The following IPO13 variants were observed in gnomAD, a reference collection of about 807,000 sequenced individuals.
The protein encoded by IPO13 is importin-13.
IPO13 carries 28 observed loss-of-function variants against 115.5 expected under a neutral mutation model. The ratio of observed to expected loss-of-function variants is 0.24; its 90% CI spans 0.18 to 0.33. The LOEUF is 0.33. Among genes scored for constraint, IPO13 ranks in the 10% least tolerant of loss-of-function variants. IPO13 has a pLI of 1.00. For synonymous variants in IPO13, 414 were observed against 478.9 expected, an observed-to-expected ratio of 0.86 and a Z score of 1.77; for missense variants, 785 against 1,204.6, an observed-to-expected ratio of 0.65 and a Z score of 5.16.
Position 43,949,705 on chromosome 1 carries a change from G to A in IPO13, c.373G>A (p.Val125Met), listed in dbSNP as rs1028641022. The change falls in exon 2 of 20, where the codon GTG (valine) becomes ATG (methionine). Residue 125 changes from valine (V) to methionine (M), a missense_variant. Physicochemically the swap from Val to Met is conservative, Grantham distance 21 (BLOSUM62 1). Around this residue, in one of 3 missense-constraint regions of IPO13, gnomAD observed 325 missense variants for 449.8 expected, o/e 0.72. Transcript: ENST00000372343. ...GSKIVLTRLC[V>M]ALASLALSMM... is the part of the protein sequence containing the mutation. ...CAAGATTGTACTGACTCGGCTGTGC[G>A]TGGCACTGGCCTCACTGGCTCTCAG... 2.5e-6 allele frequency: 4 copies of A among 1,614,120 alleles called. No individual in the cohort carries two copies. The highest frequency in any genetic ancestry group is 1.3e-5 in the African/African-American group (1 of 74,946).
Position 43,957,516 on chromosome 1 carries a change from G to A in IPO13, c.1507G>A (p.Val503Met), listed in dbSNP as rs377240680. 8.7e-6 allele frequency: 14 copies of A among 1,614,100 alleles called. No homozygotes were observed. Among genetic ancestry groups the A allele is most frequent in the Non-Finnish European group, 1.2e-5 (14 of 1,180,040 alleles). ...GLIPRISISN[V>M]QLADTVMFTI... The stretch of plus-strand genomic sequence containing the variant: ...CATCCCACGGATCAGCATCAGCAAC[G>A]TGCAGCTGGCAGACACTGTCATGTT... The change falls in exon 7 of 20, where the codon GTG becomes ATG. Residue 503 changes from valine (V) to methionine (M), a missense_variant. Coordinates refer to ENST00000372343, the MANE Select transcript of IPO13 (RefSeq NM_014652.4).
In IPO13 at chr1:43,957,984, G is replaced by C. The variant is rs1285802126; in HGVS notation, c.1548G>C (p.Leu516=). The change falls in exon 8 of 20, where the codon CTG becomes CTC. Residue 516 remains leucine (L), a synonymous_variant. Coordinates refer to ENST00000372343, the MANE Select transcript of IPO13 (RefSeq NM_014652.4). Reference sequence around the variant, plus strand: ...TCTCCCTCCTTCCTCCAGGAGCTCTGTCTGAATGGCTGGCTGACCACCCCG... The same window carrying C: ...TCTCCCTCCTTCCTCCAGGAGCTCTCTCTGAATGGCTGGCTGACCACCCCG... The part of the protein sequence containing the change: ...ADTVMFTIGA[L]SEWLADHPVM... 6.2e-7 allele frequency: 1 copy of C among 1,614,084 alleles called. No homozygotes were observed. Among genetic ancestry groups the C allele is most frequent in the Non-Finnish European group, 8.5e-7 (1 of 1,180,004 alleles).
intron 13 of IPO13, 24 bp downstream of exon 13, chr1:43,961,037 G>T (rs201670049): frequency 3.0e-5 from 48 of 1,613,238 alleles, no homozygotes; most frequent in Non-Finnish European, 4.1e-5. Context: ...TTGGGGCAGA[G>T]ATCCTGACCC....
Position 43,950,163 on chromosome 1 carries a change from T to C in IPO13, c.821+10T>C, listed in dbSNP as rs1373085381. 6.3e-7 allele frequency: 1 copy of C among 1,592,132 alleles called. No homozygotes were observed. Among genetic ancestry groups the C allele is most frequent in the Non-Finnish European group, 8.6e-7 (1 of 1,166,784 alleles). ...AGCCTGATGCCCAGAGGTGAGCTAGTACCCACTCACCCAGAAGACAACCTC... is the reference window on the plus strand; with the variant it reads ...AGCCTGATGCCCAGAGGTGAGCTAGCACCCACTCACCCAGAAGACAACCTC... On this transcript the variant is annotated intron_variant, in intron 2 of 19. Transcript: ENST00000372343.
In IPO13 at chr1:43,947,217, T is replaced by C. The variant is rs557819547; in HGVS notation, c.-384T>C. ...CTCACCCAGGCGGGGGTGTTGTGGG[T>C]ACAGGCCATCGACCCTGTGACCCCT... On this transcript the variant is annotated 5_prime_UTR_variant, in exon 1 of 20. Transcript: ENST00000372343. 24 of 398,856 alleles carry C rather than the reference T, an allele frequency of 6.0e-5. No homozygotes were observed. The highest frequency in any genetic ancestry group is 9.7e-5 in the Non-Finnish European group (22 of 226,288). The allele number at this position is 398,856 out of a possible 1,614,324, so 24.7% of individuals were successfully genotyped here.
intron 15 of IPO13, among the ~76,000 whole-genome samples, 191 bp downstream of exon 15, chr1:43,964,512 C>T (rs2085309291): frequency 6.6e-6 from 1 of 152,132 alleles, no homozygotes; most frequent in Non-Finnish European, 1.5e-5. Context: ...CTATGCCTCA[C>T]TAGCTCAGTC....
chr1:43,961,028 T>A lies in IPO13; in HGVS notation c.2247+15T>A, dbSNP rs1221728321. 1 of 1,613,914 alleles carries A rather than the reference T, an allele frequency of 6.2e-7. No homozygotes were observed. ...TCACTCGACAGGTGGGCCTTCTGGT[T>A]GGGGCAGAGATCCTGACCCTGGGTG... On this transcript the variant is annotated intron_variant, in intron 13 of 19. Coordinates refer to ENST00000372343, the MANE Select transcript of IPO13 (RefSeq NM_014652.4).
At position 43,947,615 on chromosome 1, in the gene IPO13, G is replaced by A; in HGVS notation, c.15G>A (p.Glu5=). The A allele has an allele frequency of 7.6e-7, 1 of 1,319,266 alleles. No individual in the cohort carries two copies. Among genetic ancestry groups the A allele is most frequent in the African/African-American group, 1.5e-5 (1 of 65,420 alleles). The allele number at this position is 1,319,266 out of a possible 1,614,324, so 81.7% of individuals were successfully genotyped here. A position where few individuals can be genotyped will look rare whatever the true frequency, so the allele number is the denominator to read the frequency against. Residue 5 remains glutamate (E), a synonymous_variant, in exon 1 of 20, where the codon GAG becomes GAA. Coordinates refer to ENST00000372343, the MANE Select transcript of IPO13 (RefSeq NM_014652.4). The part of the protein sequence containing the change: MERR[E]EQPGAAGAGA... ...AGGGAGCAAAGATGGAGCGGCGGGAGGAGCAGCCGGGGGCTGCAGGGGCTG... is the reference window on the plus strand; with the variant it reads ...AGGGAGCAAAGATGGAGCGGCGGGAAGAGCAGCCGGGGGCTGCAGGGGCTG...
chr1:43,951,549 A>G (rs2085208857), intron 2 of IPO13, among the ~76,000 whole-genome samples: 1 of 152,204 alleles, frequency 6.6e-6, no homozygotes, highest in African/African-American at 2.4e-5. Context: ...GGCCAGAGGT[A>G]TAGGAGACCT....
At position 43,966,858 on chromosome 1, in the gene IPO13, G is replaced by A. The variant is rs2085329292; in HGVS notation, c.2524-72G>A. 7 of 1,606,810 alleles carry A rather than the reference G, an allele frequency of 4.4e-6. No individual in the cohort carries two copies. Among genetic ancestry groups the A allele is most frequent in the Admixed American group, 1.7e-5 (1 of 59,932 alleles). ...GCCCAGGACTTCAGACAGTAGGGCT[G>A]GGGTGTACAGGTCTTGTCCTCAGGG... is the stretch of plus-strand genomic sequence containing the variant. On this transcript the variant is annotated intron_variant, in intron 17 of 19. Transcript: ENST00000372343. The surrounding 1 kb of genome is among the most constrained non-coding windows in gnomAD (Gnocchi z 4.1).
intron 2 of IPO13, among the ~76,000 whole-genome samples, chr1:43,955,707 CT>C (rs2085242467): frequency 6.6e-6 from 1 of 152,216 alleles, no homozygotes; most frequent in Non-Finnish European, 1.5e-5. Flanking sequence ...CTGCAATTAT[CT>C]TATTTCCAAA....
At position 43,949,690 on chromosome 1, in the gene IPO13, C is replaced by T; in HGVS notation, c.358C>T (p.Leu120=). Residue 120 remains leucine, a synonymous_variant, in exon 2 of 20, where the codon CTG becomes TTG. Coordinates refer to ENST00000372343, the MANE Select transcript of IPO13 (RefSeq NM_014652.4). ...CTTTGCCAGTGGCTCCAAGATTGTACTGACTCGGCTGTGCGTGGCACTGGC... is the reference window on the plus strand; with the variant it reads ...CTTTGCCAGTGGCTCCAAGATTGTATTGACTCGGCTGTGCGTGGCACTGGC... The part of the protein sequence containing the change: ...TRFASGSKIV[L]TRLCVALASL... The T allele has an allele frequency of 3.7e-6, 6 of 1,614,270 alleles. No homozygotes were observed. Among genetic ancestry groups the T allele is most frequent in the Non-Finnish European group, 5.1e-6 (6 of 1,180,054 alleles).
chr1:43,962,156 T>G (rs1311428595), intron 14 of IPO13, among the ~76,000 whole-genome samples: 1 of 152,112 alleles, frequency 6.6e-6, no homozygotes, highest in Non-Finnish European at 1.5e-5. Context: ...CTGTGGGCCA[T>G]GGAGTAGGTC....
chr1:43,954,206 C>T (rs1220777217), intron 2 of IPO13, among the ~76,000 whole-genome samples: 1 of 152,180 alleles, frequency 6.6e-6, no homozygotes, highest in Non-Finnish European at 1.5e-5. Flanking sequence ...CTCTTTGTGC[C>T]AGAGTCTGGC....
chr1:43,953,368 C>T (rs1349682737), intron 2 of IPO13: 1 of 152,298 alleles, frequency 6.6e-6, no homozygotes, highest in Non-Finnish European at 1.5e-5. Flanking sequence ...CTCCCTGTCT[C>T]CTTCCCCCAA....
intron 1 of IPO13, among the ~76,000 whole-genome samples, chr1:43,948,952 G>A (rs1256626569): frequency 2.6e-5 from 4 of 152,212 alleles, no homozygotes; most frequent in Non-Finnish European, 4.4e-5. Flanking sequence ...GCCAGCATCT[G>A]GACTGACCTA....
intron 12 of IPO13, 68 bp downstream of exon 12, chr1:43,960,397 C>A: frequency 7.5e-7 from 1 of 1,337,300 alleles, no homozygotes; most frequent in Non-Finnish European, 1.1e-6. Flanking sequence ...TAAGATGTTA[C>A]TGCCACACTT....
At position 43,966,502 on chromosome 1, in the gene IPO13, G is replaced by C. The variant is rs551455753; in HGVS notation, c.2398-73G>C. 1.3e-5 allele frequency: 19 copies of C among 1,483,938 alleles called. No individual in the cohort carries two copies. In the East Asian group the frequency reaches 2.3e-4, roughly 18 times the overall value. The allele number at this position is 1,483,938 out of a possible 1,614,324, so 91.9% of individuals were successfully genotyped here. ...CTGTGAGGTGTGAAGTTGGGGGCTG[G>C]GGTGGCAGGTGAGTGGGGGGGATGG... is the stretch of plus-strand genomic sequence containing the variant. On this transcript the variant is annotated intron_variant, in intron 15 of 19. Transcript: ENST00000372343. This position sits in a 1 kb window ranked among gnomAD's most constrained non-coding sequence, Gnocchi z 4.1.
At chr1:43,960,168 C>T in intron 11 of IPO13, 81 bp from the exon 12 acceptor site, 6 of 1,358,266 alleles carry the variant, frequency 4.4e-6, no homozygotes, top group South Asian at 1.2e-5. Flanking sequence ...AACTGCTCCC[C>T]TCCTCCCTGC....
Sources: allele counts gnomAD v4.1 joint callset (sites outside exome capture counted in the v4.1 genomes callset), GRCh38; gene constraint gnomAD v4.1.1; regional missense constraint gnomAD v4.1.1; non-coding constraint Gnocchi (gnomAD v3.1); transcripts MANE v1.5; gene names NCBI Gene and HGNC (gene_info 2026-07-23, HGNC 2026-07-21).